ELAC2: variants seen among roughly 807,000 people sequenced by gnomAD.
The protein encoded by ELAC2 is zinc phosphodiesterase ELAC protein 2.
A neutral mutation model predicts 105.2 loss-of-function variants in ELAC2; 92 were observed. That is an observed-to-expected ratio of 0.87 (90% confidence interval 0.74 to 1.04). The LOEUF is 1.04. ELAC2 is among the 50% of genes least tolerant of loss of function. The pLI, the probability that ELAC2 is intolerant of heterozygous loss-of-function variation, is 0.00. For synonymous variants in ELAC2, 468 were observed against 409.1 expected, an observed-to-expected ratio of 1.14 and a Z score of -1.74; for missense variants, 1,099 against 1,071.7, an observed-to-expected ratio of 1.03 and a Z score of -0.36.
intron 15 of ELAC2, 114 bp downstream of exon 15, chr17:13,000,042 T>A (rs1174531493): frequency 3.3e-6 from 3 of 913,242 alleles, no homozygotes; most frequent in Non-Finnish European, 5.3e-6. Context: ...AGCCCTGGAT[T>A]AGACTGAAAA....
At chr17:13,002,146 G>A (rs116327658) in intron 14 of ELAC2, 128 bp downstream of exon 14, 6 of 969,970 alleles carry the variant, frequency 6.2e-6, no homozygotes, top group African/African-American at 3.2e-5. Context: ...TGCTCAAAGC[G>A]GAGTTGAATA....
rs751437403 is a variant in ELAC2 at position 12,992,862 on chromosome 17, C to G, written c.2437G>C (p.Ala813Pro). 6.2e-7 allele frequency: 1 copy of G among 1,613,538 alleles called. No homozygotes were observed. The highest frequency in any genetic ancestry group is 8.5e-7 in the Non-Finnish European group (1 of 1,180,034). The change falls in exon 24 of 24, where the codon GCC (alanine) becomes CCC (proline). Residue 813 changes from alanine (A) to proline (P), a missense_variant. By Grantham distance (27) the Ala-to-Pro change is conservative. Coordinates refer to ENST00000338034, the MANE Select transcript of ELAC2 (RefSeq NM_018127.7). ...TTGGCCTGTGGCTCCTCTGTGTGGGCCCGCTTCTGCTGAGGCTCCCCATCC... is the reference window on the plus strand; with the variant it reads ...TTGGCCTGTGGCTCCTCTGTGTGGGGCCGCTTCTGCTGAGGCTCCCCATCC... Reference protein sequence around the residue: ...LEDGEPQQKRAHTEEPQAKKV... With the variant: ...LEDGEPQQKRPHTEEPQAKKV...
At chr17:13,007,891 TAAATA>T (rs1427576434) in intron 8 of ELAC2, among the ~76,000 whole-genome samples, 1 of 146,024 alleles carries the variant, frequency 6.8e-6, no homozygotes, top group African/African-American at 2.6e-5. Context: ...AATAAATAAA[TAAATA>T]AAATAAATAA....
At chr17:13,012,403 TGA>T (rs527756909) in intron 6 of ELAC2, among the ~76,000 whole-genome samples, 397 of 152,222 alleles carry the variant, frequency 2.6e-3, no homozygotes, top group Non-Finnish European at 4.8e-3. Flanking sequence ...AGGGGTCAGG[TGA>T]GAGAAGGCAT....
At position 13,002,321 on chromosome 17, in the gene ELAC2, A is replaced by C. The variant is rs2040855188; in HGVS notation, c.1257T>G (p.Gly419=). 1.5e-5 allele frequency: 25 copies of C among 1,614,028 alleles called. No homozygotes were observed. Among genetic ancestry groups the C allele is most frequent in the Non-Finnish European group, 2.1e-5 (25 of 1,180,032 alleles). Residue 419 remains glycine (G), a synonymous_variant, in exon 14 of 24, where the codon GGT becomes GGG. Transcript: ENST00000338034. ...GPTLSVPMVQ[G]ECLLKYQLRP... ...GGAGCTGGTACTTGAGGAGGCATTCACCCTGAACCATGGGCACACTGAGGG... is the reference window on the plus strand; with the variant it reads ...GGAGCTGGTACTTGAGGAGGCATTCCCCCTGAACCATGGGCACACTGAGGG...
intron 23 of ELAC2, 109 bp downstream of exon 23, chr17:12,993,578 C>T (rs1029736917): frequency 1.0e-5 from 16 of 1,531,684 alleles, no homozygotes; most frequent in East Asian, 4.6e-5. Flanking sequence ...CCTTTTCCCA[C>T]GGTGGCCCCA....
At chr17:12,998,374 C>T (rs374615631) in intron 16 of ELAC2, 38 bp downstream of exon 16, 8 of 1,586,340 alleles carry the variant, frequency 5.0e-6, no homozygotes, top group Non-Finnish European at 6.1e-6. Context: ...AGTAAACGTG[C>T]CCTTGATGGA....
rs557006316 is a variant in ELAC2, at chr17:13,006,395, A to T, written c.739-416T>A. On this transcript the variant is annotated intron_variant, in intron 8 of 23. Coordinates refer to ENST00000338034, the MANE Select transcript of ELAC2 (RefSeq NM_018127.7). ...AAAAAAAAAAATAAAAAATAAAATG[A>T]TGTTGTTTCCTTACAATTCATTAAA... 5.7e-4 allele frequency: 138 copies of T among 240,154 alleles called. 1 individual carries two copies. Among genetic ancestry groups the T allele is most frequent in the Middle Eastern group, 5.2e-3 (3 of 580 alleles). The allele number at this position is 240,154 out of a possible 1,614,324, so 14.9% of individuals were successfully genotyped here. A position where few individuals can be genotyped will look rare whatever the true frequency, so the allele number is the denominator to read the frequency against.
rs1316557006 is a variant in ELAC2 at position 13,005,010 on chromosome 17, C to T, written c.962G>A (p.Cys321Tyr). ...CPDESFIQPI[C>Y]ENATFQRYQG... ...TTACCTCTGAAAGGTGGCATTCTCA[C>T]AGATGGGTTGAATGAAGCTTTCATC... The change falls in exon 11 of 24, where the codon TGT (cysteine) becomes TAT (tyrosine). Residue 321 changes from cysteine (C) to tyrosine (Y), a missense_variant. Transcript: ENST00000338034. The T allele has an allele frequency of 2.5e-6, 4 of 1,614,150 alleles. No individual in the cohort carries two copies. The highest frequency in any genetic ancestry group is 1.1e-5 in the South Asian group (1 of 91,082).
intron 14 of ELAC2, among the ~76,000 whole-genome samples, chr17:13,001,520 A>G (rs1404036537): frequency 6.6e-6 from 1 of 151,858 alleles, no homozygotes; most frequent in African/African-American, 2.4e-5. Context: ...AATAAAATAA[A>G]TAAATTAATT....
At chr17:13,001,577 T>G (rs374696916) in intron 14 of ELAC2, among the ~76,000 whole-genome samples, 102 of 152,262 alleles carry the variant, frequency 6.7e-4, no homozygotes, top group African/African-American at 2.3e-3. Flanking sequence ...CTTTCCTGGT[T>G]GGATTGTACT....
At chr17:13,014,694 G>A (rs1026737534) in intron 4 of ELAC2, among the ~76,000 whole-genome samples, 198 bp from the exon 5 acceptor site, 1 of 152,114 alleles carries the variant, frequency 6.6e-6, no homozygotes, top group Non-Finnish European at 1.5e-5. Flanking sequence ...AAGAGATGGA[G>A]GCCTTGCTCT....
At chr17:12,999,026 G>T (rs965289578) in intron 15 of ELAC2, among the ~76,000 whole-genome samples, 1 of 152,136 alleles carries the variant, frequency 6.6e-6, no homozygotes, top group Non-Finnish European at 1.5e-5. Flanking sequence ...AGACAGATGG[G>T]TAAGCAACAT....
rs9895963 is a variant in ELAC2 at position 13,017,793 on chromosome 17, G to A, written c.155C>T (p.Ser52Phe). The change falls in exon 1 of 24, where the codon TCC (serine) becomes TTC (phenylalanine). Residue 52 changes from serine to phenylalanine, a missense_variant. Coordinates refer to ENST00000338034, the MANE Select transcript of ELAC2 (RefSeq NM_018127.7). ...CAGGTACACGGTGTTTGGGCCGCCG[G>A]AGCACCCCGACGGTCCGCGCTTCTC... ...TREKRGPSGC[S>F]GGPNTVYLQV... is the part of the protein sequence containing the mutation. 872 of 1,607,976 alleles carry A rather than the reference G, an allele frequency of 5.4e-4. 4 individuals are homozygous for A. In the African/African-American group the frequency reaches 7.2e-3, roughly 13 times the overall value.
Position 13,011,693 on chromosome 17 carries a change from A to G in ELAC2, c.649T>C (p.Ser217Pro). The change falls in exon 7 of 24, where the codon TCG becomes CCG. Residue 217 changes from serine (S) to proline (P), a missense_variant. Ser to Pro is a moderately conservative substitution (Grantham distance 74). Coordinates refer to ENST00000338034, the MANE Select transcript of ELAC2 (RefSeq NM_018127.7). ...LSPERSSDSE[S>P]NENEPHLPHG... ...GGAAGGTGTGGCTCATTTTCATTCG[A>G]CTCGGAGTCTGAAGATCGCTCTGGA... 1 of 1,614,052 alleles carries G rather than the reference A, an allele frequency of 6.2e-7. No homozygotes were observed. The highest frequency in any genetic ancestry group is 8.5e-7 in the Non-Finnish European group (1 of 1,180,010).
At chr17:12,998,298 C>T in intron 16 of ELAC2, 114 bp downstream of exon 16, 3 of 1,029,122 alleles carry the variant, frequency 2.9e-6, no homozygotes, top group South Asian at 1.3e-5. Flanking sequence ...GTCGACATGA[C>T]AAGTGACAGG....
At chr17:13,006,666 G>GT (rs1567761050) in intron 8 of ELAC2, 1 of 153,212 alleles carries the variant, frequency 6.5e-6, no homozygotes, top group East Asian at 1.9e-4. Flanking sequence ...TCACCAGAGC[G>GT]TTGCCTAACA....
chr17:13,012,481 G>GC (rs1403365039), intron 6 of ELAC2, among the ~76,000 whole-genome samples: 12 of 152,166 alleles, frequency 7.9e-5, no homozygotes, highest in Non-Finnish European at 2.9e-5. Flanking sequence ...TGGCCTAGGA[G>GC]CACTTGTGCC....
chr17:13,016,765 A>G, intron 3 of ELAC2, 97 bp downstream of exon 3: 1 of 1,217,578 alleles, frequency 8.2e-7, no homozygotes, highest in Non-Finnish European at 1.2e-6. Flanking sequence ...AAAAAAAAAA[A>G]AAGTAGCTGC....
Sources: allele counts gnomAD v4.1 joint callset (sites outside exome capture counted in the v4.1 genomes callset), GRCh38; gene constraint gnomAD v4.1.1; transcripts MANE v1.5; gene names NCBI Gene and HGNC (gene_info 2026-07-23, HGNC 2026-07-21).